The following PRKD1 variants were observed in gnomAD, a reference collection of about 807,000 sequenced individuals.
PRKD1 encodes the protein protein kinase D1.
PRKD1 carries 63 observed loss-of-function variants against 95.9 expected under a neutral mutation model. The ratio of observed to expected loss-of-function variants is 0.66; its 90% CI spans 0.54 to 0.81. PRKD1 has a LOEUF of 0.81. PRKD1 is among the 30% of genes least tolerant of loss of function. PRKD1 has a pLI of 0.00. For synonymous variants in PRKD1, 425 were observed against 423.1 expected (o/e 1.00, Z -0.05); for missense variants, 1,048 against 1,165.3 (o/e 0.90, Z 1.47).
chr14:29,628,767 C>T lies in PRKD1; in HGVS notation c.1725+274G>A, dbSNP rs563237126. Among the ~76,000 whole-genome samples the T allele has an allele frequency of 1.7e-4, 26 of 152,030 alleles. No homozygotes were observed. In the South Asian group the frequency reaches 5.4e-3, roughly 32 times the overall value. On this transcript the variant is annotated intron_variant, in intron 11 of 17. Coordinates refer to ENST00000331968, the MANE Select transcript of PRKD1 (RefSeq NM_002742.3). ...ATATCAACCATTAAAATTCCAGTAC[C>T]AAGAAGGGCAAATATGTGAGAAATC...
intron 1 of PRKD1, among the ~76,000 whole-genome samples, chr14:29,835,574 A>C (rs1289310958): frequency 6.6e-6 from 1 of 151,822 alleles, no homozygotes; most frequent in Non-Finnish European, 1.5e-5. Context: ...TTATTTATTT[A>C]TTTATTTATT....
chr14:29,636,608 G>T, intron 6 of PRKD1, 114 bp from the exon 7 acceptor site: 1 of 997,092 alleles, frequency 1.0e-6, no homozygotes, highest in Non-Finnish European at 1.5e-6. Flanking sequence ...AGGTAGTTCT[G>T]TGATGAGTTT....
rs568113410 is a variant in PRKD1 at position 29,824,734 on chromosome 14, C to A, written c.265-99060G>T. Among the ~76,000 whole-genome samples the A allele has an allele frequency of 1.7e-3, 258 of 152,230 alleles. 1 individual carries two copies. Among genetic ancestry groups the A allele is most frequent in the Non-Finnish European group, 2.8e-3 (191 of 67,984 alleles). ...TATCAGATACCCTGTTAAATACATTCTTTACTGCTTACCAGTCTAGGCCAG... is the reference window on the plus strand; with the variant it reads ...TATCAGATACCCTGTTAAATACATTATTTACTGCTTACCAGTCTAGGCCAG... On this transcript the variant is annotated intron_variant, in intron 1 of 17. Transcript: ENST00000331968.
At chr14:29,614,551 A>G (rs1878713004) in intron 13 of PRKD1, among the ~76,000 whole-genome samples, 1 of 152,190 alleles carries the variant, frequency 6.6e-6, no homozygotes, top group Non-Finnish European at 1.5e-5. Flanking sequence ...TTGTTATACA[A>G]GCATAAAGAT....
At chr14:29,697,827 C>G (rs950736338) in intron 2 of PRKD1, among the ~76,000 whole-genome samples, 1 of 152,064 alleles carries the variant, frequency 6.6e-6, no homozygotes, top group Non-Finnish European at 1.5e-5. Flanking sequence ...ATAACTCCCA[C>G]GACTTTCTGC....
rs200630293 is a variant in PRKD1 at position 29,725,549 on chromosome 14, T to C, written c.390A>G (p.Glu130=). Residue 130 remains glutamate (E), a synonymous_variant, in exon 2 of 18, where the codon GAA becomes GAG. Transcript: ENST00000331968. The part of the protein sequence containing the change: ...ASDIQEGDLI[E]VVLSASATFE... ...AAAGTATACTACCTGACAAGACCAC[T>C]TCAATAAGATCGCCTTCCTGGATAT... 198 of 1,613,516 alleles carry C rather than the reference T, an allele frequency of 1.2e-4. No homozygotes were observed. The highest frequency in any genetic ancestry group is 1.8e-4 in the Admixed American group (11 of 59,954).
chr14:29,602,116 G>A (rs1463295780), intron 13 of PRKD1, among the ~76,000 whole-genome samples: 1 of 152,132 alleles, frequency 6.6e-6, no homozygotes, highest in Non-Finnish European at 1.5e-5. Context: ...TTTGCAGTAC[G>A]GGTGGGAAGC....
At chr14:29,587,102 C>T (rs1290067323) in intron 16 of PRKD1, among the ~76,000 whole-genome samples, 2 of 152,130 alleles carry the variant, frequency 1.3e-5, no homozygotes, top group Non-Finnish European at 2.9e-5. Context: ...GGCTTTCAAA[C>T]CTCTGAGATG....
At chr14:29,791,316 C>T (rs374570308) in intron 1 of PRKD1, among the ~76,000 whole-genome samples, 1 of 152,148 alleles carries the variant, frequency 6.6e-6, no homozygotes, top group African/African-American at 2.4e-5. Context: ...ATTTAAACTA[C>T]TTAACCAAGG....
intron 1 of PRKD1, among the ~76,000 whole-genome samples, chr14:29,885,522 T>C (rs1191998907): frequency 1.3e-5 from 2 of 152,032 alleles, no homozygotes; most frequent in Non-Finnish European, 2.9e-5. Flanking sequence ...TAAGACCAAA[T>C]GGCAATTTTA....
chr14:29,732,778 T>C (rs1260049908), intron 1 of PRKD1, among the ~76,000 whole-genome samples: 1 of 152,180 alleles, frequency 6.6e-6, no homozygotes, highest in South Asian at 2.1e-4. Flanking sequence ...CCTTGTCTCC[T>C]GCTTTGAATT....
At chr14:29,796,679 G>C (rs1183528074) in intron 1 of PRKD1, among the ~76,000 whole-genome samples, 1 of 152,088 alleles carries the variant, frequency 6.6e-6, no homozygotes, top group Non-Finnish European at 1.5e-5. Context: ...CTAATGCTCT[G>C]GATAGGTCAA....
intron 1 of PRKD1, among the ~76,000 whole-genome samples, chr14:29,775,722 G>A (rs1888714097): frequency 6.6e-6 from 1 of 152,054 alleles, no homozygotes; most frequent in African/African-American, 2.4e-5. Context: ...TCTGGGGGCA[G>A]GGCATAGCTG....
chr14:29,677,129 A>T (rs945841979), intron 2 of PRKD1, among the ~76,000 whole-genome samples: 9 of 152,076 alleles, frequency 5.9e-5, no homozygotes, highest in Non-Finnish European at 1.3e-4. Context: ...CAACATATTA[A>T]TTTTTCTCCA....
At chr14:29,610,739 C>A in intron 13 of PRKD1, among the ~76,000 whole-genome samples, 1 of 152,138 alleles carries the variant, frequency 6.6e-6, no homozygotes, top group African/African-American at 2.4e-5. Flanking sequence ...TTTATAATTG[C>A]CAAAACTTGC....
intron 4 of PRKD1, among the ~76,000 whole-genome samples, chr14:29,657,198 G>A (rs1471284980): frequency 6.6e-6 from 1 of 152,074 alleles, no homozygotes; most frequent in Non-Finnish European, 1.5e-5. Context: ...AAGACAAGAG[G>A]TAGTATCAAT....
chr14:29,866,067 C>T (rs1010592657), intron 1 of PRKD1, among the ~76,000 whole-genome samples: 4 of 152,054 alleles, frequency 2.6e-5, no homozygotes, highest in Non-Finnish European at 4.4e-5. Context: ...GTACTGTTTT[C>T]AGCCATGTCA....
At chr14:29,765,553 T>C (rs1365133742) in intron 1 of PRKD1, among the ~76,000 whole-genome samples, 3 of 152,140 alleles carry the variant, frequency 2.0e-5, no homozygotes, top group African/African-American at 7.2e-5. Flanking sequence ...ACATCATGCA[T>C]GAGGAACATC....
chr14:29,781,056 T>G (rs1243420498), intron 1 of PRKD1, among the ~76,000 whole-genome samples: 1 of 146,320 alleles, frequency 6.8e-6, no homozygotes, highest in African/African-American at 2.6e-5. Context: ...ACCAAACACC[T>G]CATGTTCTCA....
Sources: gnomAD v4.1 joint callset for allele counts (sites outside exome capture counted in the v4.1 genomes callset) on GRCh38, gnomAD v4.1.1 for gene constraint, MANE v1.5 for transcripts, NCBI Gene and HGNC (gene_info 2026-07-23, HGNC 2026-07-21) for gene names.